WDR44: variants seen among roughly 807,000 people sequenced by gnomAD.
WDR44 encodes WD repeat-containing protein 44.
WDR44 carries 9 observed loss-of-function variants against 65.7 expected under a neutral mutation model. That is an observed-to-expected ratio of 0.14 (90% CI 0.08 to 0.24). The LOEUF (loss-of-function observed/expected upper bound fraction) is 0.24, where lower values mean the gene tolerates loss of function less well. WDR44 is among the 10% of genes least tolerant of loss of function. WDR44 has a pLI of 1.00. For synonymous variants in WDR44, 220 were observed against 235.2 expected (o/e 0.94, Z 0.59); for missense variants, 425 against 670.9 (o/e 0.63, Z 4.05).
chrX:118,440,120 C>CAAAAAAA (rs36033722), intron 14 of WDR44, among the ~76,000 whole-genome samples: 2 of 68,725 alleles, frequency 2.9e-5, no homozygotes, highest in African/African-American at 9.9e-5. Flanking sequence ...ACCCCATCAC[C>CAAAAAAA]AAAAAAAAAA....
chrX:118,389,718 CAAAAAAAAAAA>C (rs1248530849), intron 3 of WDR44, among the ~76,000 whole-genome samples: 1 of 34,537 alleles, frequency 2.9e-5, no homozygotes, highest in Non-Finnish European at 5.2e-5. Context: ...GACTCCCTCT[CAAAAAAAAAAA>C]AAAAAAAAAG....
At chrX:118,349,387 A>G (rs1387881911) in intron 1 of WDR44, among the ~76,000 whole-genome samples, 1 of 107,494 alleles carries the variant, frequency 9.3e-6, no homozygotes, top group African/African-American at 3.4e-5. Context: ...GCTCAGCTAA[A>G]GGTTTTTTTA....
intron 7 of WDR44, among the ~76,000 whole-genome samples, chrX:118,397,740 C>T (rs1177517873): frequency 8.9e-6 from 1 of 111,750 alleles, no homozygotes; most frequent in Admixed American, 9.6e-5. Flanking sequence ...GCAGGATGTA[C>T]TTAATGAGTG....
At chrX:118,420,960 C>T (rs2057100327) in intron 12 of WDR44, among the ~76,000 whole-genome samples, 1 of 111,956 alleles carries the variant, frequency 8.9e-6, no homozygotes, top group South Asian at 3.7e-4. Context: ...TTTTAGTATC[C>T]TTGGAATCTA....
chrX:118,362,744 A>G (rs1244445789), intron 1 of WDR44, among the ~76,000 whole-genome samples: 1 of 109,596 alleles, frequency 9.1e-6, no homozygotes, highest in African/African-American at 3.3e-5. Context: ...ACACACTAAC[A>G]GAACGTAGGA....
intron 9 of WDR44, among the ~76,000 whole-genome samples, chrX:118,405,248 C>A (rs191668231): frequency 9.2e-6 from 1 of 108,909 alleles, no homozygotes; most frequent in African/African-American, 3.4e-5. Flanking sequence ...GTTGGCCAGG[C>A]TGGTATTGAA....
intron 18 of WDR44, 72 bp downstream of exon 18, chrX:118,443,759 T>C: frequency 9.4e-7 from 1 of 1,063,538 alleles, no homozygotes; most frequent in Non-Finnish European, 1.3e-6. Context: ...AGAAGTAAAT[T>C]CATGACCGGA....
intron 12 of WDR44, among the ~76,000 whole-genome samples, chrX:118,430,606 G>A (rs998895600): frequency 2.8e-5 from 3 of 108,893 alleles, no homozygotes; most frequent in South Asian, 8.1e-4. Context: ...TTGGGAGGCC[G>A]AGGCGGGTGG....
chrX:118,444,474 T>C lies in WDR44; in HGVS notation c.2627T>C (p.Val876Ala), dbSNP rs1331397024. ...EGNEKSEDAEVLDATPSGIMK... is the reference protein window; with the variant it reads ...EGNEKSEDAEALDATPSGIMK... ...AACGAGAAAAGTGAAGATGCTGAAG[T>C]TTTGGATGCCACACCTTCTGGTAAA... Residue 876 changes from valine (V) to alanine (A), a missense_variant, in exon 19 of 20, where the codon GTT becomes GCT. Physicochemically the swap from Val to Ala is moderately conservative, Grantham distance 64 (BLOSUM62 0). Coordinates refer to ENST00000254029, the MANE Select transcript of WDR44 (RefSeq NM_019045.5). 2 of 1,211,181 alleles carry C rather than the reference T, an allele frequency of 1.7e-6. No individual in the cohort carries two copies. The highest frequency in any genetic ancestry group is 1.8e-5 in the South Asian group (1 of 56,859).
chrX:118,395,368 T>C (rs757537705), intron 6 of WDR44, 24 bp downstream of exon 6: 2 of 1,148,637 alleles, frequency 1.7e-6, no homozygotes. Context: ...TTTTTGTTCT[T>C]GTTCTTAAAA....
intron 12 of WDR44, among the ~76,000 whole-genome samples, chrX:118,413,268 C>T (rs1333566877): frequency 2.7e-5 from 3 of 112,401 alleles, no homozygotes; most frequent in Non-Finnish European, 3.8e-5. Flanking sequence ...GGAATCTCCA[C>T]GCTGTTTTCC....
chrX:118,358,126 A>G (rs900176188), intron 1 of WDR44, among the ~76,000 whole-genome samples: 2 of 112,441 alleles, frequency 1.8e-5, no homozygotes, highest in Non-Finnish European at 3.8e-5. Context: ...GCTTTTAACA[A>G]AAATGATTTC....
chrX:118,387,778 C>T (rs772931147), intron 3 of WDR44, among the ~76,000 whole-genome samples: 17 of 111,536 alleles, frequency 1.5e-4, no homozygotes, highest in Middle Eastern at 4.6e-3. Context: ...TATAAGAAGT[C>T]CTTACTCTGA....
chrX:118,424,360 T>A (rs1203285049), intron 12 of WDR44, among the ~76,000 whole-genome samples: 3 of 97,683 alleles, frequency 3.1e-5, no homozygotes, highest in African/African-American at 7.9e-5. Context: ...TATATATATA[T>A]AATGTTCATC....
intron 12 of WDR44, among the ~76,000 whole-genome samples, chrX:118,420,794 T>G (rs1270340503): frequency 2.7e-5 from 3 of 112,648 alleles, no homozygotes; most frequent in Non-Finnish European, 5.6e-5. Context: ...TCAAATATCT[T>G]ATTATTTTCC....
intron 19 of WDR44, among the ~76,000 whole-genome samples, chrX:118,448,626 G>A (rs982251614): frequency 1.8e-5 from 2 of 111,538 alleles, no homozygotes; most frequent in Non-Finnish European, 3.8e-5. Context: ...CTAGGAATAG[G>A]TCCAAGCATC....
chrX:118,381,124 A>G (rs4825573), intron 2 of WDR44, among the ~76,000 whole-genome samples: 29,347 of 110,849 alleles, frequency 0.26, 3,176 homozygotes, highest in African/African-American at 0.39. Flanking sequence ...ACATCACATT[A>G]TACCCTGTAA....
chrX:118,425,127 T>G (rs1339949203), intron 12 of WDR44, among the ~76,000 whole-genome samples: 1 of 110,962 alleles, frequency 9.0e-6, no homozygotes, highest in Non-Finnish European at 1.9e-5. Context: ...TCTGGTGTGC[T>G]CAAAAAACAG....
chrX:118,449,572 C>A lies in WDR44; in HGVS notation c.*585C>A, dbSNP rs1602989579. ...TGGTCTAAATTGTGGGCTTAAGATT[C>A]TTTTCTTTATATGTGTACATATAAT... On this transcript the variant is annotated 3_prime_UTR_variant, in exon 20 of 20. Transcript: ENST00000254029. The A allele has an allele frequency of 9.1e-6, 1 of 110,308 alleles. No individual in the cohort carries two copies. Among genetic ancestry groups the A allele is most frequent in the South Asian group, 3.8e-4 (1 of 2,630 alleles). 9.1% of individuals were successfully genotyped at this position (110,308 alleles called of 1,213,427 possible). A position where few individuals can be genotyped will look rare whatever the true frequency, so the allele number is the denominator to read the frequency against.
Sources: allele counts gnomAD v4.1 joint callset (sites outside exome capture counted in the v4.1 genomes callset), GRCh38; gene constraint gnomAD v4.1.1; transcripts MANE v1.5; gene names NCBI Gene and HGNC (gene_info 2026-07-23, HGNC 2026-07-21).